Variants in KLF8 observed in about 807,000 individuals in gnomAD.
KLF8 encodes KLF transcription factor 8.
A neutral mutation model predicts 18.2 loss-of-function variants in KLF8; 10 were observed. That is an observed-to-expected ratio of 0.55 (90% CI 0.34 to 0.93). The LOEUF is 0.93. KLF8 is among the 40% of genes least tolerant of loss of function. The probability of loss-of-function intolerance (pLI) is 0.02; values close to 1 mark genes in which losing one functional copy is unlikely to be tolerated. For synonymous variants in KLF8, 109 were observed against 97.3 expected, an observed-to-expected ratio of 1.12 and a Z score of -0.71; for missense variants, 264 against 277.9, an observed-to-expected ratio of 0.95 and a Z score of 0.36.
chrX:56,179,886 G>C, the KLF8 span, among the ~76,000 whole-genome samples: 8 of 111,805 alleles, frequency 7.2e-5, no homozygotes, highest in South Asian at 3.0e-3. Context: ...TCTGGATTCA[G>C]TTTGCCAGTA....
At chrX:56,053,453 G>T in the KLF8 span, among the ~76,000 whole-genome samples, 1 of 110,549 alleles carries the variant, frequency 9.0e-6, no homozygotes, top group Non-Finnish European at 1.9e-5. Context: ...TTTTCATCAA[G>T]GATATTGGCC....
the KLF8 span, among the ~76,000 whole-genome samples, chrX:55,997,167 T>G: frequency 1.8e-5 from 2 of 111,607 alleles, no homozygotes; most frequent in Non-Finnish European, 3.8e-5. Flanking sequence ...TGATATACAG[T>G]AGGGGCACTC....
the KLF8 span, among the ~76,000 whole-genome samples, chrX:56,091,263 C>T: frequency 0.011 from 1,245 of 110,686 alleles, 11 homozygotes; most frequent in African/African-American, 0.039. Context: ...GCTTTTCCCC[C>T]ATCACTTGTT....
the KLF8 span, among the ~76,000 whole-genome samples, chrX:56,099,024 CAT>C: frequency 3.6e-5 from 4 of 111,852 alleles, no homozygotes; most frequent in Admixed American, 9.5e-5. Context: ...AGTAACAAGA[CAT>C]ATGTCACTTT....
At chrX:56,227,954 G>C (rs961771428), upstream of KLF8, among the ~76,000 whole-genome samples, 3 of 109,142 alleles carry the variant, frequency 2.7e-5, no homozygotes, top group Non-Finnish European at 5.7e-5. Flanking sequence ...ATAGCAGCCT[G>C]AGGCACAACT....
At chrX:55,995,204 T>C in the KLF8 span, among the ~76,000 whole-genome samples, 1 of 112,304 alleles carries the variant, frequency 8.9e-6, no homozygotes, top group Middle Eastern at 4.6e-3. Context: ...CTGTTTTGTT[T>C]GAAATAAGAA....
chrX:56,044,003 ATGT>A, the KLF8 span, among the ~76,000 whole-genome samples: 1 of 108,395 alleles, frequency 9.2e-6, no homozygotes, highest in Admixed American at 9.7e-5. Context: ...TTTTTTGTTG[ATGT>A]TGTTGTTGTT....
chrX:56,114,207 T>C, the KLF8 span, among the ~76,000 whole-genome samples: 1 of 112,050 alleles, frequency 8.9e-6, no homozygotes, highest in African/African-American at 3.2e-5. Context: ...CCCAGTCTCC[T>C]TGGCACCCAC....
chrX:56,104,656 A>C, the KLF8 span, among the ~76,000 whole-genome samples: 1 of 111,212 alleles, frequency 9.0e-6, no homozygotes, highest in Non-Finnish European at 1.9e-5. Flanking sequence ...TGATCTTTTC[A>C]AAAAACCAGC....
the KLF8 span, among the ~76,000 whole-genome samples, chrX:55,990,771 AC>A: frequency 3.6e-5 from 4 of 112,015 alleles, no homozygotes; most frequent in South Asian, 1.1e-3. Flanking sequence ...TCCACTCCAG[AC>A]CCTCTTTGCC....
chrX:56,042,435 T>C, the KLF8 span, among the ~76,000 whole-genome samples: 3 of 111,120 alleles, frequency 2.7e-5, no homozygotes, highest in Non-Finnish European at 5.7e-5. Flanking sequence ...TTTCTGTCAG[T>C]GGGGTGTTAA....
the KLF8 span, among the ~76,000 whole-genome samples, chrX:56,108,149 A>T: frequency 8.9e-6 from 1 of 111,766 alleles, no homozygotes; most frequent in Non-Finnish European, 1.9e-5. Context: ...TATCATCTGC[A>T]GATATAAATA....
the KLF8 span, among the ~76,000 whole-genome samples, chrX:56,049,783 A>G: frequency 9.0e-6 from 1 of 110,715 alleles, no homozygotes; most frequent in Non-Finnish European, 1.9e-5. Context: ...TGGCCTCATA[A>G]AATGAGTTAG....
the KLF8 span, among the ~76,000 whole-genome samples, chrX:55,912,906 G>A: frequency 1.8e-5 from 2 of 111,585 alleles, no homozygotes; most frequent in Admixed American, 9.6e-5. Context: ...GGAACTTGGG[G>A]CACAGCAAAA....
the KLF8 span, among the ~76,000 whole-genome samples, chrX:56,110,379 G>A: frequency 2.6e-3 from 289 of 111,515 alleles, no homozygotes; most frequent in African/African-American, 8.9e-3. Context: ...AGTCTATTGC[G>A]AATATCATAT....
chrX:56,209,636 A>G, the KLF8 span, among the ~76,000 whole-genome samples: 1 of 111,638 alleles, frequency 9.0e-6, no homozygotes, highest in Non-Finnish European at 1.9e-5. Context: ...AAAAACATAA[A>G]TAAGTAAATA....
chrX:56,251,988 A>G (rs1313250123), intron 2 of KLF8, among the ~76,000 whole-genome samples: 3 of 111,053 alleles, frequency 2.7e-5, no homozygotes. Flanking sequence ...CATGCTATCA[A>G]ATAGTAGGTC....
chrX:56,159,143 A>G, the KLF8 span, among the ~76,000 whole-genome samples: 12 of 112,050 alleles, frequency 1.1e-4, no homozygotes, highest in Non-Finnish European at 1.9e-4. Context: ...TATTGAGACA[A>G]TCATATGATT....
At chrX:56,039,194 GTAGAAGCTC>G in the KLF8 span, among the ~76,000 whole-genome samples, 2 of 112,166 alleles carry the variant, frequency 1.8e-5, no homozygotes, top group African/African-American at 3.2e-5. Context: ...CTTTTGCTGT[GTAGAAGCTC>G]TTTAGTTTAG....
Sources: gnomAD v4.1 joint callset for allele counts (sites outside exome capture counted in the v4.1 genomes callset) on GRCh38, gnomAD v4.1.1 for gene constraint, MANE v1.5 for transcripts, NCBI Gene and HGNC (gene_info 2026-07-23, HGNC 2026-07-21) for gene names.